Variants in PCDH15 observed in about 807,000 individuals in gnomAD.
PCDH15 encodes protocadherin related 15, also known as protocadherin-15.
Under a neutral mutation model 178.5 loss-of-function variants are expected in PCDH15, and 129 were observed. The ratio of observed to expected loss-of-function variants is 0.72; its 90% CI spans 0.63 to 0.84. The LOEUF (loss-of-function observed/expected upper bound fraction) is 0.84, where lower values mean the gene tolerates loss of function less well. Ranked by LOEUF, PCDH15 falls within the 40% of genes least tolerant of loss-of-function variation. The pLI is 0.00. For missense variants in PCDH15, 2,230 were observed against 2,099.9 expected (o/e 1.06, Z -1.21); for synonymous variants, 800 against 732.0 (o/e 1.09, Z -1.50).
At chr10:54,281,195 T>C (rs2058685853) in intron 8 of PCDH15, among the ~76,000 whole-genome samples, 2 of 151,878 alleles carry the variant, frequency 1.3e-5, no homozygotes, top group African/African-American at 4.8e-5. Flanking sequence ...GTTCCCAACT[T>C]GGGGAGATAA....
intron 3 of PCDH15, among the ~76,000 whole-genome samples, chr10:54,426,939 T>C (rs963829937): frequency 1.3e-5 from 2 of 152,076 alleles, no homozygotes; most frequent in African/African-American, 2.4e-5. Context: ...GCAATATTTG[T>C]TGAGTATTTA....
chr10:54,741,174 CAG>C (rs1944759992), intron 1 of PCDH15, among the ~76,000 whole-genome samples: 1 of 145,592 alleles, frequency 6.9e-6, no homozygotes, highest in South Asian at 2.1e-4. Flanking sequence ...AAAATATAAA[CAG>C]AAATATATTT....
At chr10:54,960,311 T>C (rs1400639093) in intron 2 of PCDH15, among the ~76,000 whole-genome samples, 3 of 152,192 alleles carry the variant, frequency 2.0e-5, no homozygotes, top group Non-Finnish European at 4.4e-5. Flanking sequence ...AAGAGTCTAT[T>C]CTAATAAGCT....
chr10:54,282,091 C>T (rs1257523496), intron 8 of PCDH15, among the ~76,000 whole-genome samples: 1 of 152,054 alleles, frequency 6.6e-6, no homozygotes, highest in African/African-American at 2.4e-5. Context: ...AAGAACTCTC[C>T]TGCATTTATT....
chr10:55,526,463 T>C (rs554118285), intron 2 of PCDH15, among the ~76,000 whole-genome samples: 23 of 152,120 alleles, frequency 1.5e-4, no homozygotes, highest in African/African-American at 5.5e-4. Flanking sequence ...AGAATGTAAT[T>C]AATATTTCCC....
At chr10:53,844,512 A>G (rs2077852967) in intron 28 of PCDH15, among the ~76,000 whole-genome samples, 2 of 152,120 alleles carry the variant, frequency 1.3e-5, no homozygotes, top group Middle Eastern at 3.4e-3. Flanking sequence ...TGGAAAAAAC[A>G]TGATATGACC....
At chr10:54,101,196 C>T (rs7909389) in intron 15 of PCDH15, among the ~76,000 whole-genome samples, 86,114 of 151,290 alleles carry the variant, frequency 0.57, 25,406 homozygotes, top group Middle Eastern at 0.67. Context: ...ACTTCTCTGC[C>T]GCCATGTGAG....
intron 1 of PCDH15, among the ~76,000 whole-genome samples, chr10:54,764,480 A>C (rs1948265407): frequency 7.6e-6 from 1 of 131,712 alleles, no homozygotes; most frequent in Non-Finnish European, 1.7e-5. Context: ...AATTCCAAGA[A>C]TGCCCCAAAC....
chr10:53,926,056 A>G (rs2084522039), intron 25 of PCDH15, among the ~76,000 whole-genome samples: 1 of 152,206 alleles, frequency 6.6e-6, no homozygotes, highest in African/African-American at 2.4e-5. Context: ...AAAGTATAAA[A>G]TCATCCTTGA....
intron 1 of PCDH15, among the ~76,000 whole-genome samples, chr10:55,294,924 C>A (rs898272651): frequency 6.6e-6 from 1 of 152,094 alleles, no homozygotes; most frequent in Non-Finnish European, 1.5e-5. Flanking sequence ...TTTCTCTGAT[C>A]TGGTTAAAAG....
rs576349625 is a variant in PCDH15, at chr10:55,134,512, C to T, written c.-80+32064G>A. 5.9e-5 allele frequency among the ~76,000 whole-genome samples: 9 copies of T among 152,240 alleles called. No homozygotes were observed. The East Asian group carries it at 1.4e-3, about 23-fold the overall frequency. ...GAGAGATATGTGTTGTCACCAGTTC[C>T]GTGTATTTTGCCTGTTTATTTTCAT... On this transcript the variant is annotated intron_variant, in intron 2 of 5. Coordinates refer to the PCDH15 transcript ENST00000458638.
At chr10:55,591,567 T>C (rs1037614852) in intron 2 of PCDH15, among the ~76,000 whole-genome samples, 1 of 152,132 alleles carries the variant, frequency 6.6e-6, no homozygotes, top group Non-Finnish European at 1.5e-5. Context: ...ACATAATTAA[T>C]TAAAATAAAA....
chr10:54,431,322 TTC>T (rs1466893944), intron 3 of PCDH15, among the ~76,000 whole-genome samples: 1 of 152,016 alleles, frequency 6.6e-6, no homozygotes, highest in East Asian at 1.9e-4. Context: ...AGGCCAAAAT[TTC>T]TGATGAAATA....
chr10:53,809,339 G>T, intron 37 of PCDH15: 1 of 1,613,154 alleles, frequency 6.2e-7, no homozygotes, highest in Non-Finnish European at 8.5e-7. Context: ...AGGCGTCTCT[G>T]CCACTCTTCA....
chr10:54,446,886 AT>A (rs1023001975), intron 3 of PCDH15, among the ~76,000 whole-genome samples: 1 of 151,626 alleles, frequency 6.6e-6, no homozygotes, highest in African/African-American at 2.4e-5. Context: ...AACAAAAAAC[AT>A]TCGCAGAAGG....
intron 1 of PCDH15, among the ~76,000 whole-genome samples, chr10:54,691,365 C>G (rs2095116829): frequency 6.6e-6 from 1 of 152,038 alleles, no homozygotes; most frequent in Admixed American, 6.5e-5. Flanking sequence ...AGAAATTCTC[C>G]TGAAGCAATC....
At chr10:55,165,643 C>T (rs1473990721) in intron 2 of PCDH15, among the ~76,000 whole-genome samples, 1 of 151,864 alleles carries the variant, frequency 6.6e-6, no homozygotes, top group African/African-American at 2.4e-5. Flanking sequence ...TATTCATATA[C>T]TCGTGGATGA....
At chr10:55,354,377 C>T (rs552074693) in intron 2 of PCDH15, among the ~76,000 whole-genome samples, 6 of 151,984 alleles carry the variant, frequency 3.9e-5, no homozygotes, top group Non-Finnish European at 5.9e-5. Context: ...AGGGCACAAT[C>T]GGACTTAAAG....
chr10:54,047,447 G>T, intron 18 of PCDH15, among the ~76,000 whole-genome samples: 1 of 151,682 alleles, frequency 6.6e-6, no homozygotes, highest in Non-Finnish European at 1.5e-5. Flanking sequence ...TACATGTGTA[G>T]GTTTCATAGA....
Sources: gnomAD v4.1 joint callset for allele counts (sites outside exome capture counted in the v4.1 genomes callset) on GRCh38, gnomAD v4.1.1 for gene constraint, MANE v1.5 for transcripts, NCBI Gene and HGNC (gene_info 2026-07-23, HGNC 2026-07-21) for gene names.